Variants in CALD1 observed in about 807,000 individuals in gnomAD.
CALD1 encodes caldesmon 1.
A neutral mutation model predicts 99.9 loss-of-function variants in CALD1; 33 were observed. The ratio of observed to expected loss-of-function variants is 0.33; its 90% CI spans 0.25 to 0.44. CALD1 has a LOEUF of 0.44. Ranked by LOEUF, CALD1 falls within the 20% of genes least tolerant of loss-of-function variation. CALD1 has a pLI of 1.00. For missense variants in CALD1, 861 were observed against 962.1 expected (o/e 0.89, Z 1.39); for synonymous variants, 310 against 325.0 (o/e 0.95, Z 0.50).
At position 134,787,621 on chromosome 7, in the gene CALD1, C is replaced by T. The variant is rs538403691; in HGVS notation, c.-130+7872C>T. 5.3e-5 allele frequency among the ~76,000 whole-genome samples: 8 copies of T among 152,202 alleles called. No homozygotes were observed. In the East Asian group the frequency reaches 1.4e-3, roughly 26 times the overall value. On this transcript the variant is annotated intron_variant, in intron 1 of 14. Coordinates refer to ENST00000361675, the MANE Select transcript of CALD1 (RefSeq NM_033138.4). ...GGTGGCCCTTTTGAAAGTATGTGGA[C>T]CCTAAGAGACAGGAGACTTTGAGTG...
chr7:134,753,230 T>C (rs1236668726), intron 1 of CALD1, among the ~76,000 whole-genome samples: 1 of 152,058 alleles, frequency 6.6e-6, no homozygotes, highest in Non-Finnish European at 1.5e-5. Flanking sequence ...GAAATTGTGA[T>C]GACTTGATAA....
At chr7:134,799,532 A>G (rs1797868075) in intron 1 of CALD1, among the ~76,000 whole-genome samples, 1 of 152,232 alleles carries the variant, frequency 6.6e-6, no homozygotes, top group Non-Finnish European at 1.5e-5. Flanking sequence ...GATCAGAAAG[A>G]ACAGATTTAT....
intron 2 of CALD1, among the ~76,000 whole-genome samples, chr7:134,856,448 G>T (rs1800307419): frequency 6.6e-6 from 1 of 152,160 alleles, no homozygotes; most frequent in Non-Finnish European, 1.5e-5. Context: ...TCTAATTACT[G>T]AGCATGGTTA....
Position 134,968,901 on chromosome 7 carries a change from T to A in CALD1, c.*556T>A. On this transcript the variant is annotated 3_prime_UTR_variant, in exon 15 of 15. Coordinates refer to ENST00000361675, the MANE Select transcript of CALD1 (RefSeq NM_033138.4). ...TGTACTGTTAAGGTATTACTTTTTT[T>A]CATGCTGATGATTCATATCTAAATT... 5.6e-6 allele frequency: 1 copy of A among 178,718 alleles called. No individual in the cohort carries two copies. The highest frequency in any genetic ancestry group is 1.3e-4 in the East Asian group (1 of 7,692). The allele number at this position is 178,718 out of a possible 1,614,324, so 11.1% of individuals were successfully genotyped here.
chr7:134,834,784 C>A (rs1161685185), intron 1 of CALD1, among the ~76,000 whole-genome samples: 1 of 152,160 alleles, frequency 6.6e-6, no homozygotes, highest in African/African-American at 2.4e-5. Context: ...TGTGACCAAC[C>A]CACTTCATCC....
intron 3 of CALD1, among the ~76,000 whole-genome samples, chr7:134,890,694 G>C (rs1802117618): frequency 6.6e-6 from 1 of 152,206 alleles, no homozygotes; most frequent in Non-Finnish European, 1.5e-5. Flanking sequence ...GGATTTGGCT[G>C]CTTTCCAAGC....
rs1798387918 is a variant in CALD1, at chr7:134,812,467, A to C, written c.-129-31417A>C. 1.3e-5 allele frequency among the ~76,000 whole-genome samples: 2 copies of C among 152,104 alleles called. 1 individual carries two copies. Among genetic ancestry groups the C allele is most frequent in the Admixed American group, 1.3e-4 (2 of 15,252 alleles). ...TTAGTGGGCCCATTCTTATAGCTAG[A>C]AATCGACAATATCGGGAGTGTTTAC... is the stretch of plus-strand genomic sequence containing the variant. On this transcript the variant is annotated intron_variant, in intron 1 of 14. Transcript: ENST00000361675.
intron 6 of CALD1, 68 bp downstream of exon 6, chr7:134,935,833 A>G (rs1038876688): frequency 2.4e-5 from 33 of 1,395,150 alleles, no homozygotes; most frequent in Non-Finnish European, 2.6e-5. Flanking sequence ...AAGATATCTC[A>G]GGTCTGATGA....
chr7:134,831,016 C>T (rs1296980113), intron 1 of CALD1, among the ~76,000 whole-genome samples: 1 of 152,102 alleles, frequency 6.6e-6, no homozygotes, highest in Non-Finnish European at 1.5e-5. Context: ...ATTTAGTGAT[C>T]AAGATTTATG....
chr7:134,815,501 A>G (rs1798525076), intron 1 of CALD1, among the ~76,000 whole-genome samples: 1 of 152,216 alleles, frequency 6.6e-6, no homozygotes, highest in Middle Eastern at 3.4e-3. Flanking sequence ...TGCTTTGTGA[A>G]TATTTACTAA....
chr7:134,889,794 A>G (rs1802056290), intron 3 of CALD1, among the ~76,000 whole-genome samples: 2 of 152,332 alleles, frequency 1.3e-5, no homozygotes, highest in South Asian at 4.1e-4. Flanking sequence ...CGGTGATCAT[A>G]TGTGTAATCA....
the CALD1 span, among the ~76,000 whole-genome samples, chr7:134,721,044 C>T: frequency 6.6e-6 from 1 of 152,136 alleles, no homozygotes; most frequent in African/African-American, 2.4e-5. Context: ...CTAACAGACC[C>T]TCTGAATCTT....
Position 134,867,975 on chromosome 7 carries a change from A to G in CALD1, c.71+171A>G, listed in dbSNP as rs948339298. 4 of 423,118 alleles carry G rather than the reference A, an allele frequency of 9.5e-6. No individual in the cohort carries two copies. In the East Asian group the frequency reaches 1.5e-4, roughly 16 times the overall value. 26.2% of individuals were successfully genotyped at this position (423,118 alleles called of 1,614,324 possible). A position where few individuals can be genotyped will look rare whatever the true frequency, so the allele number is the denominator to read the frequency against. Reference sequence around the variant, plus strand: ...AAGACTCTAAATTAAGCATTTAAAAAAGGAAAACAAACAAGAATCAAGAAA... The same window carrying G: ...AAGACTCTAAATTAAGCATTTAAAAGAGGAAAACAAACAAGAATCAAGAAA... On this transcript the variant is annotated intron_variant, in intron 3 of 14. Coordinates refer to ENST00000361675, the MANE Select transcript of CALD1 (RefSeq NM_033138.4).
intron 2 of CALD1, among the ~76,000 whole-genome samples, chr7:134,862,254 TAGAG>T (rs973816058): frequency 6.6e-6 from 1 of 152,226 alleles, no homozygotes. Flanking sequence ...AAACAAATCC[TAGAG>T]AGAAATAGTG....
At chr7:134,862,256 G>C (rs1188457813) in intron 2 of CALD1, among the ~76,000 whole-genome samples, 1 of 152,192 alleles carries the variant, frequency 6.6e-6, no homozygotes, top group Middle Eastern at 3.2e-3. Context: ...ACAAATCCTA[G>C]AGAGAAATAG....
At chr7:134,804,852 A>G (rs1205210792) in intron 1 of CALD1, among the ~76,000 whole-genome samples, 1 of 152,232 alleles carries the variant, frequency 6.6e-6, no homozygotes, top group African/African-American at 2.4e-5. Flanking sequence ...TGATTTGTCA[A>G]GATGGGGAAT....
At chr7:134,810,083 G>A (rs1425233311) in intron 1 of CALD1, among the ~76,000 whole-genome samples, 1 of 152,170 alleles carries the variant, frequency 6.6e-6, no homozygotes, top group African/African-American at 2.4e-5. Context: ...AAGTATTTAA[G>A]TTGATTAATA....
At chr7:134,849,905 CT>C (rs1362818197) in intron 2 of CALD1, among the ~76,000 whole-genome samples, 3 of 152,184 alleles carry the variant, frequency 2.0e-5, no homozygotes, top group Non-Finnish European at 4.4e-5. Context: ...CTCAAATAAT[CT>C]TCAGGTCCCA....
intron 1 of CALD1, among the ~76,000 whole-genome samples, chr7:134,762,262 C>A (rs924975775): frequency 5.9e-5 from 9 of 152,206 alleles, no homozygotes; most frequent in Admixed American, 1.3e-4. Flanking sequence ...GCTCTCCTTG[C>A]CACTCCAGCC....
Sources: allele counts gnomAD v4.1 joint callset (sites outside exome capture counted in the v4.1 genomes callset), GRCh38; gene constraint gnomAD v4.1.1; transcripts MANE v1.5; gene names NCBI Gene and HGNC (gene_info 2026-07-23, HGNC 2026-07-21).